Variants in TMEM38B observed in about 807,000 individuals in gnomAD.
The protein encoded by TMEM38B is trimeric intracellular cation channel type B.
In TMEM38B, 24 loss-of-function variants were observed where a neutral mutation model predicts 28.7. The observed-to-expected ratio is 0.84, with a 90% CI of 0.61 to 1.18. The LOEUF (loss-of-function observed/expected upper bound fraction) is 1.18. Ranked by LOEUF, TMEM38B falls within the 50% of genes most tolerant of loss-of-function variation. The pLI is 0.00. For missense variants in TMEM38B, 380 were observed against 350.9 expected, an observed-to-expected ratio of 1.08 and a Z score of -0.66; for synonymous variants, 131 against 127.7, an observed-to-expected ratio of 1.03 and a Z score of -0.17.
chr9:105,723,634 C>T (rs922386213), intron 4 of TMEM38B, among the ~76,000 whole-genome samples: 5 of 152,018 alleles, frequency 3.3e-5, no homozygotes, highest in Non-Finnish European at 5.9e-5. Flanking sequence ...TGGGCTCAAG[C>T]GATCCTTGTA....
chr9:105,771,528 C>T lies in TMEM38B; in HGVS notation c.661-2337C>T, dbSNP rs538239402. ...TCTCTTTTGGATTTTGTAAAAAAGA[C>T]GTTGCTGTTTTCCTGACAGTAGACC... On this transcript the variant is annotated intron_variant, in intron 5 of 5. Coordinates refer to ENST00000374692, the MANE Select transcript of TMEM38B (RefSeq NM_018112.3). Among the ~76,000 whole-genome samples, 40 of 152,222 alleles carry T rather than the reference C, an allele frequency of 2.6e-4. No individual in the cohort carries two copies. The South Asian group carries it at 7.7e-3, about 29-fold the overall frequency.
chr9:105,724,426 G>A (rs1376840498), intron 4 of TMEM38B, among the ~76,000 whole-genome samples: 3 of 151,910 alleles, frequency 2.0e-5, no homozygotes, highest in Non-Finnish European at 2.9e-5. Flanking sequence ...AGTTCGACAC[G>A]AGCCTGGGCA....
At chr9:105,740,430 C>G (rs544447608) in intron 4 of TMEM38B, among the ~76,000 whole-genome samples, 2 of 151,904 alleles carry the variant, frequency 1.3e-5, no homozygotes, top group East Asian at 1.9e-4. Context: ...CTGTGCCCAG[C>G]TAATTTTTGT....
At chr9:105,735,566 T>G (rs544908838) in intron 4 of TMEM38B, among the ~76,000 whole-genome samples, 1 of 152,286 alleles carries the variant, frequency 6.6e-6, no homozygotes, top group South Asian at 2.1e-4. Context: ...GTATAGTATT[T>G]TTGGCTGCAG....
chr9:105,696,882 A>G (rs919326972), intron 1 of TMEM38B, among the ~76,000 whole-genome samples: 1 of 152,254 alleles, frequency 6.6e-6, no homozygotes, highest in Non-Finnish European at 1.5e-5. Context: ...TATAAATCTT[A>G]GAGGCAATCC....
intron 2 of TMEM38B, among the ~76,000 whole-genome samples, chr9:105,711,747 G>A (rs892731118): frequency 4.0e-5 from 6 of 150,874 alleles, no homozygotes; most frequent in Admixed American, 2.6e-4. Context: ...CTGAACCCTG[G>A]AAGTCGAGGC....
At chr9:105,698,858 A>G (rs1313287099) in intron 1 of TMEM38B, among the ~76,000 whole-genome samples, 2 of 152,058 alleles carry the variant, frequency 1.3e-5, no homozygotes, top group African/African-American at 2.4e-5. Context: ...GTATATTTTA[A>G]TGGGTAAATC....
At chr9:105,700,742 G>A (rs922560144) in intron 1 of TMEM38B, among the ~76,000 whole-genome samples, 1 of 152,096 alleles carries the variant, frequency 6.6e-6, no homozygotes, top group Non-Finnish European at 1.5e-5. Flanking sequence ...TCAGTTCTGG[G>A]CATCCTGGAA....
intron 4 of TMEM38B, among the ~76,000 whole-genome samples, chr9:105,731,584 G>T (rs1836750283): frequency 6.6e-6 from 1 of 152,018 alleles, no homozygotes; most frequent in Non-Finnish European, 1.5e-5. Context: ...GTGATAGTTT[G>T]CTCAGGATGA....
At chr9:105,758,187 C>T in intron 5 of TMEM38B, 2 of 648,492 alleles carry the variant, frequency 3.1e-6, no homozygotes, top group Non-Finnish European at 5.6e-6. Flanking sequence ...GTGTGCCTCC[C>T]AGGCCTTATC....
chr9:105,719,462 T>C (rs1836241475), intron 2 of TMEM38B, among the ~76,000 whole-genome samples: 1 of 152,194 alleles, frequency 6.6e-6, no homozygotes, highest in South Asian at 2.1e-4. Flanking sequence ...AAAAGAATTT[T>C]AAAGGCTAAT....
intron 4 of TMEM38B, among the ~76,000 whole-genome samples, chr9:105,746,567 A>C (rs1351395111): frequency 6.6e-6 from 1 of 152,084 alleles, no homozygotes; most frequent in Non-Finnish European, 1.5e-5. Flanking sequence ...AATACTCTTT[A>C]TTTCTTTCTC....
intron 5 of TMEM38B, among the ~76,000 whole-genome samples, chr9:105,771,620 A>C (rs1471144475): frequency 6.6e-6 from 1 of 152,208 alleles, no homozygotes; most frequent in African/African-American, 2.4e-5. Flanking sequence ...TGACCAAGGT[A>C]ATTATGCTAG....
At position 105,759,474 on chromosome 9, in the gene TMEM38B, CAGA is replaced by C; in HGVS notation, c.660+11285_660+11287del. ...AAATGCAGCTAGTTAATTTAAGAAACAGAGGAGTGAGTGCTAATGACATAATGG... is the reference window on the plus strand; with the variant it reads ...AAATGCAGCTAGTTAATTTAAGAAACGGAGTGAGTGCTAATGACATAATGG... On this transcript the variant is annotated intron_variant, in intron 5 of 5. Coordinates refer to ENST00000374692, the MANE Select transcript of TMEM38B (RefSeq NM_018112.3). The C allele has an allele frequency of 8.2e-6, 13 of 1,577,580 alleles. No individual in the cohort carries two copies. The South Asian group carries it at 1.4e-4, about 17-fold the overall frequency.
chr9:105,741,162 C>A (rs955851703), intron 4 of TMEM38B, among the ~76,000 whole-genome samples: 4 of 152,154 alleles, frequency 2.6e-5, no homozygotes, highest in Non-Finnish European at 5.9e-5. Flanking sequence ...CTGAAAAAGA[C>A]AAGGAATGGA....
chr9:105,748,882 G>A (rs10512340), intron 5 of TMEM38B, among the ~76,000 whole-genome samples: 35,530 of 151,982 alleles, frequency 0.23, 6,816 homozygotes, highest in African/African-American at 0.51. Flanking sequence ...TTCCCTATTC[G>A]CAAGTAGACA....
intron 2 of TMEM38B, among the ~76,000 whole-genome samples, chr9:105,715,154 G>T (rs1836048823): frequency 6.6e-6 from 1 of 152,044 alleles, no homozygotes; most frequent in Admixed American, 6.6e-5. Flanking sequence ...GACTACCAAA[G>T]AAATGATTAC....
chr9:105,750,065 T>C (rs762372138), intron 5 of TMEM38B, among the ~76,000 whole-genome samples: 2 of 152,256 alleles, frequency 1.3e-5, no homozygotes, highest in Non-Finnish European at 2.9e-5. Flanking sequence ...CTAGTGGGTG[T>C]GAAGTGGCAT....
chr9:105,754,361 T>C (rs1266083306), intron 5 of TMEM38B, among the ~76,000 whole-genome samples: 1 of 152,192 alleles, frequency 6.6e-6, no homozygotes, highest in Non-Finnish European at 1.5e-5. Flanking sequence ...CAGCACTTAA[T>C]ATAAAACTGA....
Sources: gnomAD v4.1 joint callset for allele counts (sites outside exome capture counted in the v4.1 genomes callset) on GRCh38, gnomAD v4.1.1 for gene constraint, MANE v1.5 for transcripts, NCBI Gene and HGNC (gene_info 2026-07-23, HGNC 2026-07-21) for gene names.